PDE11A: variants seen among roughly 807,000 people sequenced by gnomAD.
The protein encoded by PDE11A is phosphodiesterase 11A.
PDE11A carries 100 observed loss-of-function variants against 100.5 expected under a neutral mutation model. The observed-to-expected ratio is 1.00, with a 90% confidence interval of 0.85 to 1.18. The LOEUF is 1.18. Among genes scored for constraint, PDE11A ranks in the 50% most tolerant of loss-of-function variants. PDE11A has a pLI of 0.00. For missense variants in PDE11A, 1,141 were observed against 1,152.6 expected, an observed-to-expected ratio of 0.99 and a Z score of 0.15; for synonymous variants, 381 against 420.8, an observed-to-expected ratio of 0.91 and a Z score of 1.16.
chr2:177,706,716 G>C (rs1178366004), intron 13 of PDE11A, among the ~76,000 whole-genome samples: 2 of 152,154 alleles, frequency 1.3e-5, no homozygotes, highest in Non-Finnish European at 2.9e-5. Flanking sequence ...TGCGTACAAA[G>C]TTAATTGTCT....
intron 10 of PDE11A, among the ~76,000 whole-genome samples, chr2:177,754,403 T>C (rs1319322896): frequency 1.3e-5 from 2 of 152,244 alleles, no homozygotes; most frequent in African/African-American, 4.8e-5. Context: ...CCCTCAGATC[T>C]CCTGCTTTTT....
intron 10 of PDE11A, among the ~76,000 whole-genome samples, chr2:177,766,541 G>A (rs1334546757): frequency 6.6e-6 from 1 of 152,146 alleles, no homozygotes; most frequent in Non-Finnish European, 1.5e-5. Flanking sequence ...ACGTAAACAT[G>A]GTTTGTCATA....
chr2:178,104,348 T>C (rs1246466841), exon 2 of PDE11A: 1 of 1,614,138 alleles, frequency 6.2e-7, no homozygotes, highest in Non-Finnish European at 8.5e-7. Flanking sequence ...GTGCTTTTCC[T>C]GTTTTTCAGC....
intron 1 of PDE11A, among the ~76,000 whole-genome samples, chr2:178,058,108 G>A (rs1438807464): frequency 1.3e-5 from 2 of 151,980 alleles, no homozygotes; most frequent in East Asian, 3.9e-4. Flanking sequence ...TACCCACCTT[G>A]GCCTCCCAAA....
At chr2:177,708,396 G>A (rs1180141788) in intron 13 of PDE11A, among the ~76,000 whole-genome samples, 2 of 152,228 alleles carry the variant, frequency 1.3e-5, no homozygotes, top group Admixed American at 6.5e-5. Context: ...AAAACCAAAC[G>A]CTACATGTTC....
chr2:177,905,561 C>G (rs1158082530), intron 2 of PDE11A, among the ~76,000 whole-genome samples: 1 of 152,152 alleles, frequency 6.6e-6, no homozygotes, highest in East Asian at 1.9e-4. Flanking sequence ...TGTGCCCATA[C>G]TCACATTTGG....
intron 2 of PDE11A, among the ~76,000 whole-genome samples, chr2:177,982,046 G>T (rs967254334): frequency 1.3e-5 from 2 of 151,024 alleles, no homozygotes; most frequent in Admixed American, 6.6e-5. Context: ...GAAAGGGCAT[G>T]TATCCTTACT....
chr2:177,840,208 G>A (rs760068877), intron 6 of PDE11A, 43 bp downstream of exon 6: 49 of 1,605,054 alleles, frequency 3.1e-5, no homozygotes, highest in Admixed American at 5.0e-5. Context: ...TCAACAGTGC[G>A]ACAACTGAAA....
chr2:177,970,873 G>A (rs947017613), intron 2 of PDE11A, among the ~76,000 whole-genome samples: 2 of 152,180 alleles, frequency 1.3e-5, no homozygotes, highest in Non-Finnish European at 2.9e-5. Flanking sequence ...TGGAGTCATA[G>A]CAGTCAGGGG....
intron 10 of PDE11A, among the ~76,000 whole-genome samples, 184 bp downstream of exon 10, chr2:177,769,139 T>A (rs2082276835): frequency 6.6e-6 from 1 of 152,170 alleles, no homozygotes. Flanking sequence ...ATAAAATGAC[T>A]ACTCAGTTAT....
chr2:177,759,061 G>A (rs1198459874), intron 10 of PDE11A, among the ~76,000 whole-genome samples: 1 of 151,904 alleles, frequency 6.6e-6, no homozygotes, highest in African/African-American at 2.4e-5. Flanking sequence ...GTTTTCTCAG[G>A]GATTTTCCAT....
chr2:177,905,006 A>C (rs2084760107), intron 3 of PDE11A, 92 bp downstream of exon 3: 1 of 780,500 alleles, frequency 1.3e-6, no homozygotes, highest in Non-Finnish European at 2.4e-6. Flanking sequence ...CTATTCAAAG[A>C]TCATTCATTG....
intron 9 of PDE11A, among the ~76,000 whole-genome samples, chr2:177,778,935 T>C (rs1410098916): frequency 6.7e-6 from 1 of 148,960 alleles, no homozygotes; most frequent in Admixed American, 6.7e-5. Flanking sequence ...AAAAATATTT[T>C]TAAAAAATCT....
chr2:177,898,172 G>C lies in PDE11A; in HGVS notation c.1188C>G (p.Leu396=), dbSNP rs768494362. 1 of 1,608,700 alleles carries C rather than the reference G, an allele frequency of 6.2e-7. No homozygotes were observed. The highest frequency in any genetic ancestry group is 1.1e-5 in the South Asian group (1 of 90,970). The change falls in exon 4 of 20, where the codon CTC becomes CTG. Residue 396 remains leucine, a synonymous_variant. Transcript: ENST00000286063. ...TCTCCAGGTCAGTCTGTTCTTCAAA[G>C]AGGTCATTAACCACCTCTAGCAAAG... ...SRALLEVVND[L]FEEQTDLEKI... is the part of the protein sequence containing the mutation.
At chr2:177,867,311 T>A (rs972763928) in intron 5 of PDE11A, among the ~76,000 whole-genome samples, 13 of 152,278 alleles carry the variant, frequency 8.5e-5, no homozygotes, top group African/African-American at 2.6e-4. Context: ...AATGTCCAAG[T>A]GGAGTGAGTC....
chr2:177,914,952 C>T (rs2084930561), intron 2 of PDE11A, among the ~76,000 whole-genome samples: 1 of 151,932 alleles, frequency 6.6e-6, no homozygotes, highest in Non-Finnish European at 1.5e-5. Flanking sequence ...TGTCTGGCTG[C>T]TTTCACTTTG....
intron 2 of PDE11A, chr2:177,922,766 T>A: frequency 3.0e-6 from 3 of 985,358 alleles, no homozygotes; most frequent in Non-Finnish European, 3.6e-6. Context: ...AAGCCCTTCA[T>A]AATCTATTCC....
At chr2:178,008,162 A>G (rs747834106) in intron 2 of PDE11A, among the ~76,000 whole-genome samples, 1 of 152,248 alleles carries the variant, frequency 6.6e-6, no homozygotes, top group Non-Finnish European at 1.5e-5. Context: ...ACAATGGTGA[A>G]TTAATATAGA....
At chr2:178,036,920 T>C (rs1053402527) in intron 1 of PDE11A, among the ~76,000 whole-genome samples, 10 of 152,114 alleles carry the variant, frequency 6.6e-5, no homozygotes, top group Admixed American at 2.0e-4. Flanking sequence ...ATAAAAACCC[T>C]AGAAGAAAAC....
Sources: gnomAD v4.1 joint callset for allele counts (sites outside exome capture counted in the v4.1 genomes callset) on GRCh38, gnomAD v4.1.1 for gene constraint, MANE v1.5 for transcripts, NCBI Gene and HGNC (gene_info 2026-07-23, HGNC 2026-07-21) for gene names.